Variants in ZFHX3 observed in about 807,000 individuals in gnomAD.
ZFHX3 encodes the protein zinc finger homeobox 3.
In ZFHX3, 42 loss-of-function variants were observed where a neutral mutation model predicts 279.1. That is an observed-to-expected ratio of 0.15 (90% CI 0.12 to 0.19). ZFHX3 has a LOEUF of 0.19. ZFHX3 is among the 10% of genes least tolerant of loss of function. The probability of loss-of-function intolerance (pLI) is 1.00; values close to 1 mark genes in which losing one functional copy is unlikely to be tolerated. For missense variants in ZFHX3, 4,981 were observed against 4,754.0 expected (o/e 1.05, Z -1.40); for synonymous variants, 2,293 against 1,957.8 (o/e 1.17, Z -4.52).
At chr16:73,661,443 G>T (rs1317794877) in intron 2 of ZFHX3, among the ~76,000 whole-genome samples, 1 of 152,168 alleles carries the variant, frequency 6.6e-6, no homozygotes, top group Non-Finnish European at 1.5e-5. Flanking sequence ...ATGTATGGCC[G>T]GGTGTGCTGG....
chr16:73,740,227 T>G (rs1163500752), intron 1 of ZFHX3, among the ~76,000 whole-genome samples: 1 of 152,108 alleles, frequency 6.6e-6, no homozygotes, highest in Non-Finnish European at 1.5e-5. Context: ...TTATGGTAGC[T>G]CCTAGAATTA....
intron 8 of ZFHX3, among the ~76,000 whole-genome samples, chr16:73,071,489 G>A (rs898144870): frequency 1.3e-5 from 2 of 152,048 alleles, no homozygotes; most frequent in African/African-American, 2.4e-5. Context: ...CGCCGCCGCC[G>A]CCGCCGCCGA....
At chr16:73,539,030 G>T (rs1006009153) in intron 2 of ZFHX3, among the ~76,000 whole-genome samples, 1 of 152,132 alleles carries the variant, frequency 6.6e-6, no homozygotes, top group Non-Finnish European at 1.5e-5. Context: ...GATCCAGAGA[G>T]GGAAGATTGT....
chr16:73,727,670 C>A (rs946211258), intron 1 of ZFHX3, among the ~76,000 whole-genome samples: 10 of 152,202 alleles, frequency 6.6e-5, no homozygotes, highest in Admixed American at 3.3e-4. Context: ...TATCTGACTC[C>A]ATCTCTGGCT....
chr16:73,809,737 G>C (rs1185915105), intron 1 of ZFHX3: 1 of 152,104 alleles, frequency 6.6e-6, no homozygotes, highest in African/African-American at 2.4e-5. Flanking sequence ...TTTTAAGGCA[G>C]TTTCTGTTTA....
intron 1 of ZFHX3, among the ~76,000 whole-genome samples, chr16:72,982,236 G>A (rs1962637960): frequency 6.6e-6 from 1 of 152,076 alleles, no homozygotes. Flanking sequence ...TTTTTAAATA[G>A]AATGGGAATC....
intron 2 of ZFHX3, among the ~76,000 whole-genome samples, chr16:73,621,654 TGA>T (rs2052364569): frequency 6.6e-6 from 1 of 152,130 alleles, no homozygotes; most frequent in African/African-American, 2.4e-5. Context: ...AAACAGTTCC[TGA>T]GAATTTAGGG....
upstream of ZFHX3, among the ~76,000 whole-genome samples, chr16:73,051,814 C>T (rs1461842723): frequency 6.6e-6 from 1 of 152,118 alleles, no homozygotes; most frequent in Non-Finnish European, 1.5e-5. Flanking sequence ...CTCTCTTTCT[C>T]GCTCCTTCTT....
intron 1 of ZFHX3, among the ~76,000 whole-genome samples, chr16:73,853,490 A>G (rs1313695630): frequency 6.6e-6 from 1 of 152,232 alleles, no homozygotes; most frequent in Non-Finnish European, 1.5e-5. Flanking sequence ...ATGGAATACT[A>G]CAGAGCCATA....
At chr16:73,495,583 T>C (rs1004526918) in intron 2 of ZFHX3, among the ~76,000 whole-genome samples, 4 of 152,214 alleles carry the variant, frequency 2.6e-5, no homozygotes, top group African/African-American at 9.6e-5. Context: ...GGCTGGAGAT[T>C]TGGCCCTTGA....
chr16:73,487,416 T>C (rs1381470175), intron 2 of ZFHX3: 2 of 433,362 alleles, frequency 4.6e-6, no homozygotes, highest in Admixed American at 2.6e-5. Context: ...TGATTTTTTT[T>C]TTTTTTGGCA....
At chr16:73,151,893 A>AG (rs1491529837) in intron 5 of ZFHX3, among the ~76,000 whole-genome samples, 15 of 131,450 alleles carry the variant, frequency 1.1e-4, no homozygotes, top group African/African-American at 3.2e-4. Context: ...AAAAAAAAAA[A>AG]AGAGAGAAAG....
chr16:73,835,458 CTTTTTTTTTTTTT>C (rs34127285), intron 1 of ZFHX3, among the ~76,000 whole-genome samples: 3 of 49,536 alleles, frequency 6.1e-5, no homozygotes, highest in South Asian at 1.6e-3. Flanking sequence ...CCCTCTTCTG[CTTTTTTTTTTTTT>C]TTTTTTTTTT....
chr16:73,131,254 C>T (rs1966673742), intron 6 of ZFHX3, among the ~76,000 whole-genome samples: 1 of 152,094 alleles, frequency 6.6e-6, no homozygotes, highest in Non-Finnish European at 1.5e-5. Flanking sequence ...TAATGAATGC[C>T]TAAATATAAA....
chr16:73,596,902 T>C (rs2052056675), intron 2 of ZFHX3, among the ~76,000 whole-genome samples: 3 of 152,166 alleles, frequency 2.0e-5, no homozygotes, highest in South Asian at 4.1e-4. Flanking sequence ...TTCTGCCATA[T>C]TGATTCTACT....
At chr16:72,820,014 C>T (rs1010933303) in intron 5 of ZFHX3, among the ~76,000 whole-genome samples, 9 of 152,202 alleles carry the variant, frequency 5.9e-5, no homozygotes, top group African/African-American at 1.4e-4. Context: ...TGGCTTCCCT[C>T]GGTCAGGCAC....
At chr16:73,018,563 C>T (rs370713498) in intron 1 of ZFHX3, among the ~76,000 whole-genome samples, 5 of 152,118 alleles carry the variant, frequency 3.3e-5, no homozygotes, top group South Asian at 4.1e-4. Flanking sequence ...CACACCACTG[C>T]ACTCCAGCCT....
intron 3 of ZFHX3, among the ~76,000 whole-genome samples, chr16:73,411,783 C>A (rs2017471497): frequency 6.6e-6 from 1 of 152,176 alleles, no homozygotes; most frequent in Admixed American, 6.5e-5. Context: ...GACATGTACC[C>A]TGCAGGTTAC....
chr16:72,947,936 C>G (rs1473380260), intron 3 of ZFHX3, among the ~76,000 whole-genome samples: 2 of 152,192 alleles, frequency 1.3e-5, no homozygotes, highest in African/African-American at 2.4e-5. Context: ...ACACCAGGGC[C>G]TAGAGAAAAA....
Sources: gnomAD v4.1 joint callset for allele counts (sites outside exome capture counted in the v4.1 genomes callset) on GRCh38, gnomAD v4.1.1 for gene constraint, MANE v1.5 for transcripts, NCBI Gene and HGNC (gene_info 2026-07-23, HGNC 2026-07-21) for gene names.